POM121C: variants seen among roughly 807,000 people sequenced by gnomAD.
POM121C encodes nuclear envelope pore membrane protein POM 121C.
In POM121C, 20 loss-of-function variants were observed where a neutral mutation model predicts 66.4. The observed-to-expected ratio is 0.30, with a 90% CI of 0.21 to 0.44. The LOEUF (loss-of-function observed/expected upper bound fraction) is 0.44, where lower values mean the gene tolerates loss of function less well. Ranked by LOEUF, POM121C falls within the 20% of genes least tolerant of loss-of-function variation. POM121C has a pLI of 1.00. For missense variants in POM121C, 580 were observed against 1,225.7 expected (o/e 0.47, Z 7.87); for synonymous variants, 286 against 528.0 (o/e 0.54, Z 6.28).
intron 7 of POM121C, among the ~76,000 whole-genome samples, chr7:75,435,887 C>G (rs1554472975): frequency 6.6e-6 from 1 of 152,084 alleles, no homozygotes; most frequent in African/African-American, 2.4e-5. Flanking sequence ...TTGTGTCAAA[C>G]TAAAAATACA....
At chr7:75,425,467 CT>C (rs1563138839) in intron 9 of POM121C, 167 bp downstream of exon 9, 1 of 1,344,996 alleles carries the variant, frequency 7.4e-7, no homozygotes, top group African/African-American at 1.5e-5. Flanking sequence ...GCCTTTCTCC[CT>C]CATCAGACTA....
At chr7:75,424,397 G>A (rs587663098) in intron 11 of POM121C, 129 bp downstream of exon 11, 2 of 1,369,402 alleles carry the variant, frequency 1.5e-6, no homozygotes, top group Non-Finnish European at 2.0e-6. Context: ...AGGTGAGAAA[G>A]ACCACAAGAA....
At chr7:75,423,396 T>TC (rs1789803075) in intron 12 of POM121C, among the ~76,000 whole-genome samples, 193 bp from the exon 13 acceptor site, 1 of 150,776 alleles carries the variant, frequency 6.6e-6, no homozygotes, top group South Asian at 2.1e-4. Flanking sequence ...TCACAGATCA[T>TC]CAGACAGAAG....
rs587743439 is a variant in POM121C, at chr7:75,438,322, CT to C, written c.309-637del. On this transcript the variant is annotated intron_variant, in intron 6 of 14. Transcript: ENST00000615331. ...TTCCTCTAACTTTCACCCACGGATC[CT>C]ATTTGAAGTCAAACAGAGCAAGTTA... Among the ~76,000 whole-genome samples, 632 of 152,316 alleles carry C rather than the reference CT, an allele frequency of 4.1e-3. 7 individuals carry two copies. Among genetic ancestry groups the C allele is most frequent in the African/African-American group, 0.015 (608 of 41,566 alleles).
intron 1 of POM121C, among the ~76,000 whole-genome samples, chr7:75,483,906 A>G (rs3873790): frequency 3.9e-5 from 6 of 152,236 alleles, no homozygotes; most frequent in South Asian, 2.1e-4. Flanking sequence ...TTTGAGACCA[A>G]CCTGGCCAAC....
intron 13 of POM121C, chr7:75,421,262 C>T (rs1262304475): frequency 8.6e-7 from 1 of 1,167,920 alleles, no homozygotes; most frequent in Non-Finnish European, 1.2e-6. Flanking sequence ...AAGCATGAGC[C>T]ACTGCGCCCA....
At chr7:75,469,921 C>T (rs1372865562) in intron 3 of POM121C, among the ~76,000 whole-genome samples, 1 of 152,152 alleles carries the variant, frequency 6.6e-6, no homozygotes, top group Non-Finnish European at 1.5e-5. Context: ...GAACTTTTTT[C>T]CCCTCACAGT....
Position 75,423,965 on chromosome 7 carries a change from G to A in POM121C, c.1048+84C>T, listed in dbSNP as rs587745818. ...TTCGGCCTGCAGAGCAATCTCCAGC[G>A]ACTGACAGGCACGACGCCCTTATTC... is the stretch of plus-strand genomic sequence containing the variant. On this transcript the variant is annotated intron_variant, in intron 12 of 14. Transcript: ENST00000615331. 195 of 1,515,320 alleles carry A rather than the reference G, an allele frequency of 1.3e-4. 2 individuals are homozygous for A. The East Asian group carries it at 3.8e-3, about 30-fold the overall frequency. 93.9% of individuals were successfully genotyped at this position (1,515,320 alleles called of 1,614,324 possible).
chr7:75,471,571 G>A (rs1791878686), intron 3 of POM121C, among the ~76,000 whole-genome samples: 1 of 152,038 alleles, frequency 6.6e-6, no homozygotes, highest in South Asian at 2.1e-4. Context: ...CAGAACTTTG[G>A]GGAACAGAGA....
At chr7:75,429,510 A>T (rs782413157) in intron 7 of POM121C, among the ~76,000 whole-genome samples, 1 of 152,196 alleles carries the variant, frequency 6.6e-6, no homozygotes, top group African/African-American at 2.4e-5. Context: ...GCATGCCTGT[A>T]ATCTCGGCTA....
At chr7:75,438,895 G>T (rs762423264) in intron 6 of POM121C, among the ~76,000 whole-genome samples, 21 of 152,090 alleles carry the variant, frequency 1.4e-4, no homozygotes, top group Non-Finnish European at 2.9e-4. Context: ...TATGTGCTTG[G>T]TTATTAAATA....
At chr7:75,457,192 AATAAATAAATAAATAC>A (rs1791256608) in intron 3 of POM121C, among the ~76,000 whole-genome samples, 1 of 145,380 alleles carries the variant, frequency 6.9e-6, no homozygotes, top group Non-Finnish European at 1.5e-5. Context: ...TAAATAAATA[AATAAATAAATAAATAC>A]ATGAAGCAAC....
intron 1 of POM121C, among the ~76,000 whole-genome samples, chr7:75,479,127 A>G (rs1254265875): frequency 6.6e-6 from 1 of 152,120 alleles, no homozygotes; most frequent in African/African-American, 2.4e-5. Flanking sequence ...ATCCAGCAAA[A>G]ACACCTTTAA....
At chr7:75,419,015 C>T (rs1477802914) in intron 14 of POM121C, 122 bp from the exon 15 acceptor site, 62 of 1,457,882 alleles carry the variant, frequency 4.3e-5, no homozygotes, top group Non-Finnish European at 5.5e-5. Flanking sequence ...AGGGCTTTCC[C>T]CGCTGCGTCA....
Position 75,421,812 on chromosome 7 carries a change from T to C in POM121C, c.2440A>G (p.Thr814Ala), listed in dbSNP as rs1387609083. 5.6e-6 allele frequency: 9 copies of C among 1,608,994 alleles called. No homozygotes were observed. Among genetic ancestry groups the C allele is most frequent in the Middle Eastern group, 2.1e-4 (1 of 4,832 alleles). ...GAATSSGFGATTQTASSGSSS... is the reference protein window; with the variant it reads ...GAATSSGFGAATQTASSGSSS... ...CTCCCGCTGCTGGCGGTCTGGGTGGTGGCTCCAAAGCCGGAGCTGGTGGCT... is the reference window on the plus strand; with the variant it reads ...CTCCCGCTGCTGGCGGTCTGGGTGGCGGCTCCAAAGCCGGAGCTGGTGGCT... The change falls in exon 13 of 15, where the codon ACC becomes GCC. Residue 814 changes from threonine to alanine, a missense_variant. Thr to Ala is a moderately conservative substitution (Grantham distance 58). Transcript: ENST00000615331.
At chr7:75,467,349 GTGA>G (rs1554477994) in intron 3 of POM121C, among the ~76,000 whole-genome samples, 12 of 150,744 alleles carry the variant, frequency 8.0e-5, no homozygotes, top group African/African-American at 3.0e-4. Flanking sequence ...GGCTAACACA[GTGA>G]AACCCCATCA....
chr7:75,427,676 A>G (rs1390220033), intron 7 of POM121C, among the ~76,000 whole-genome samples: 2 of 152,094 alleles, frequency 1.3e-5, no homozygotes, highest in Non-Finnish European at 2.9e-5. Flanking sequence ...GCCTAATTAC[A>G]AAGCCACTAA....
At chr7:75,433,095 C>T (rs1790247218) in intron 7 of POM121C, among the ~76,000 whole-genome samples, 1 of 151,424 alleles carries the variant, frequency 6.6e-6, no homozygotes, top group Non-Finnish European at 1.5e-5. Context: ...ATTAGCTGGG[C>T]GTGGTGGCCA....
intron 12 of POM121C, among the ~76,000 whole-genome samples, chr7:75,423,768 G>A (rs1400243734): frequency 6.6e-6 from 1 of 151,966 alleles, no homozygotes; most frequent in Non-Finnish European, 1.5e-5. Context: ...CACTTCAGAG[G>A]TGCTGCACCG....
Sources: gnomAD v4.1 joint callset for allele counts (sites outside exome capture counted in the v4.1 genomes callset) on GRCh38, gnomAD v4.1.1 for gene constraint, MANE v1.5 for transcripts, NCBI Gene and HGNC (gene_info 2026-07-23, HGNC 2026-07-21) for gene names.